The following GMEB1 variants were observed in gnomAD, a reference collection of about 807,000 sequenced individuals.
The protein encoded by GMEB1 is glucocorticoid modulatory element-binding protein 1.
GMEB1 carries 6 observed loss-of-function variants against 52.4 expected under a neutral mutation model. The observed-to-expected ratio is 0.11, with a 90% CI of 0.06 to 0.23. The LOEUF is 0.23. Ranked by LOEUF, GMEB1 falls within the 10% of genes least tolerant of loss-of-function variation. The pLI is 1.00. For synonymous variants in GMEB1, 255 were observed against 244.9 expected, an observed-to-expected ratio of 1.04 and a Z score of -0.38; for missense variants, 486 against 685.6, an observed-to-expected ratio of 0.71 and a Z score of 3.25.
At chr1:28,704,110 T>G in intron 7 of GMEB1, 82 bp from the exon 8 acceptor site, 1 of 1,222,166 alleles carries the variant, frequency 8.2e-7, no homozygotes, top group Non-Finnish European at 1.1e-6. Flanking sequence ...TAAAATAATT[T>G]TGAATTTAAC....
At chr1:28,672,764 G>A (rs1440884998) in intron 1 of GMEB1, among the ~76,000 whole-genome samples, 1 of 129,990 alleles carries the variant, frequency 7.7e-6, no homozygotes, top group African/African-American at 2.8e-5. Context: ...TTGTTTTGAC[G>A]GAGTCTCGCT....
At chr1:28,709,401 AGTAAGT>A (rs1197030890) in intron 8 of GMEB1, among the ~76,000 whole-genome samples, 1 of 152,162 alleles carries the variant, frequency 6.6e-6, no homozygotes, top group African/African-American at 2.4e-5. Context: ...TATTTTGCAG[AGTAAGT>A]GTTATTAATC....
intron 9 of GMEB1, among the ~76,000 whole-genome samples, chr1:28,713,640 A>G (rs1671161495): frequency 6.6e-6 from 1 of 152,238 alleles, no homozygotes; most frequent in South Asian, 2.1e-4. Flanking sequence ...TCACCAGCAA[A>G]GGAGTTTTCC....
intron 2 of GMEB1, among the ~76,000 whole-genome samples, chr1:28,687,374 ACACACACACACAC>A (rs1557504225): frequency 8.5e-5 from 10 of 118,106 alleles, no homozygotes; most frequent in African/African-American, 3.1e-4. Flanking sequence ...ACACACACAC[ACACACACACACAC>A]AAAAAAAGAC....
chr1:28,675,217 C>G (rs1669095535), intron 1 of GMEB1, among the ~76,000 whole-genome samples: 1 of 151,162 alleles, frequency 6.6e-6, no homozygotes, highest in Admixed American at 6.6e-5. Context: ...CGAGGTTTCA[C>G]CATGTTAGCC....
intron 1 of GMEB1, among the ~76,000 whole-genome samples, chr1:28,673,614 G>A (rs1669003423): frequency 6.6e-6 from 1 of 152,156 alleles, no homozygotes; most frequent in South Asian, 2.1e-4. Flanking sequence ...GGATTTTCAG[G>A]ACACACAAAA....
intron 2 of GMEB1, among the ~76,000 whole-genome samples, chr1:28,687,370 ACACACACACACACAC>A (rs1669704460): frequency 1.2e-5 from 1 of 84,246 alleles, no homozygotes; most frequent in Non-Finnish European, 2.6e-5. Context: ...ACACACACAC[ACACACACACACACAC>A]ACAAAAAAAG....
At chr1:28,698,903 G>A (rs1670359201) in intron 6 of GMEB1, among the ~76,000 whole-genome samples, 1 of 152,044 alleles carries the variant, frequency 6.6e-6, no homozygotes, top group Non-Finnish European at 1.5e-5. Context: ...AGAATTGCTT[G>A]AACCCAGGAG....
chr1:28,670,908 T>G (rs918810890), intron 1 of GMEB1, among the ~76,000 whole-genome samples: 3 of 152,218 alleles, frequency 2.0e-5, no homozygotes, highest in African/African-American at 7.2e-5. Flanking sequence ...AGGTAGCTTC[T>G]ACTCAGCTTC....
rs747160762 is a variant in GMEB1 at position 28,719,059 on chromosome 1, C to T, written c.*4286C>T. 1.3e-5 allele frequency: 2 copies of T among 152,212 alleles called. No homozygotes were observed. Among genetic ancestry groups the T allele is most frequent in the Non-Finnish European group, 1.5e-5 (1 of 68,032 alleles). The allele number at this position is 152,212 out of a possible 1,614,324, so 9.4% of individuals were successfully genotyped here. ...CATGGGCAGTCTCCCCACTGGAGAA[C>T]GCTGAGTCATGCATGGGCTTCTCCA... On this transcript the variant is annotated 3_prime_UTR_variant, in exon 10 of 10. Transcript: ENST00000373816.
chr1:28,673,070 T>C (rs1475447437), intron 1 of GMEB1, among the ~76,000 whole-genome samples: 1 of 152,086 alleles, frequency 6.6e-6, no homozygotes, highest in African/African-American at 2.4e-5. Context: ...TAATTTTGTA[T>C]TTTTAGTAGA....
chr1:28,695,831 T>A (rs371446763), intron 5 of GMEB1, among the ~76,000 whole-genome samples: 6 of 137,044 alleles, frequency 4.4e-5, no homozygotes, highest in African/African-American at 1.3e-4. Flanking sequence ...CCCAGCTACT[T>A]GGGAGGCTGA....
intron 2 of GMEB1, among the ~76,000 whole-genome samples, chr1:28,689,318 G>A (rs934047143): frequency 7.9e-5 from 12 of 152,146 alleles, no homozygotes; most frequent in African/African-American, 2.6e-4. Flanking sequence ...GAGCCACCAT[G>A]CCCGGCCCAT....
chr1:28,684,286 G>A (rs577299330), intron 2 of GMEB1, among the ~76,000 whole-genome samples: 1 of 152,062 alleles, frequency 6.6e-6, no homozygotes, highest in African/African-American at 2.4e-5. Context: ...AGGCCTGGCC[G>A]GGTGCAGTGG....
chr1:28,697,915 G>A (rs554087155), intron 6 of GMEB1, among the ~76,000 whole-genome samples: 19 of 151,932 alleles, frequency 1.3e-4, no homozygotes, highest in African/African-American at 3.6e-4. Context: ...TGAGGCAGGC[G>A]GATCACGAGG....
intron 9 of GMEB1, 47 bp downstream of exon 9, chr1:28,710,689 C>A: frequency 7.7e-7 from 1 of 1,297,352 alleles, no homozygotes. Context: ...TGCTAATATT[C>A]TTGTCTTCCC....
chr1:28,692,023 T>G (rs1333516474), intron 4 of GMEB1, among the ~76,000 whole-genome samples: 1 of 150,118 alleles, frequency 6.7e-6, no homozygotes, highest in Non-Finnish European at 1.5e-5. Flanking sequence ...TTTCTTTTTT[T>G]TTTTTTTCAG....
chr1:28,710,676 T>C (rs762225313), intron 9 of GMEB1, 34 bp downstream of exon 9: 8 of 1,431,346 alleles, frequency 5.6e-6, no homozygotes, highest in Admixed American at 2.4e-5. Context: ...TTCGGTGATA[T>C]CATGCTAATA....
chr1:28,710,488 A>G (rs778822563), intron 8 of GMEB1, 32 bp from the exon 9 acceptor site: 4 of 1,551,296 alleles, frequency 2.6e-6, no homozygotes, highest in Admixed American at 4.0e-5. Flanking sequence ...TATCTGTTTT[A>G]ACTGGACAGG....
Sources: allele counts gnomAD v4.1 joint callset (sites outside exome capture counted in the v4.1 genomes callset), GRCh38; gene constraint gnomAD v4.1.1; transcripts MANE v1.5; gene names NCBI Gene and HGNC (gene_info 2026-07-23, HGNC 2026-07-21).